PCDH15: variants seen among roughly 807,000 people sequenced by gnomAD.
PCDH15 encodes the protein protocadherin-15.
In PCDH15, 129 loss-of-function variants were observed where a neutral mutation model predicts 178.5. The observed-to-expected ratio is 0.72, with a 90% confidence interval of 0.63 to 0.84. PCDH15 has a LOEUF of 0.84. Among genes scored for constraint, PCDH15 ranks in the 40% least tolerant of loss-of-function variants. The pLI is 0.00. For synonymous variants in PCDH15, 800 were observed against 732.0 expected (o/e 1.09, Z -1.50); for missense variants, 2,230 against 2,099.9 (o/e 1.06, Z -1.21).
intron 3 of PCDH15, among the ~76,000 whole-genome samples, chr10:54,871,428 GA>G (rs5785096): frequency 2.2e-4 from 31 of 143,470 alleles, no homozygotes; most frequent in Middle Eastern, 3.6e-3. Flanking sequence ...AGTCTGAGAG[GA>G]AAAAAAAAAA....
At chr10:55,512,069 A>T (rs1292835356) in intron 2 of PCDH15, among the ~76,000 whole-genome samples, 1 of 152,078 alleles carries the variant, frequency 6.6e-6, no homozygotes, top group African/African-American at 2.4e-5. Flanking sequence ...CCATTAAAGT[A>T]AACAAACTTT....
rs546993487 is a variant in PCDH15, at chr10:54,954,707, T to C, written c.-79-57207A>G. ...ATACAAAAATACTTACACCAATTTT[T>C]AGCTCTGGTAGGATTTTATAATTTG... On this transcript the variant is annotated intron_variant, in intron 2 of 5. Coordinates refer to the PCDH15 transcript ENST00000458638. Among the ~76,000 whole-genome samples the C allele has an allele frequency of 9.9e-5, 15 of 151,394 alleles. No individual in the cohort carries two copies. The South Asian group carries it at 2.9e-3, about 29-fold the overall frequency.
intron 26 of PCDH15, among the ~76,000 whole-genome samples, chr10:53,889,022 G>A (rs1343895946): frequency 6.8e-6 from 1 of 147,396 alleles, no homozygotes. Context: ...ATCCACATGG[G>A]AAATAAAAAA....
chr10:54,017,391 T>A (rs2092774725), intron 20 of PCDH15, among the ~76,000 whole-genome samples: 1 of 152,144 alleles, frequency 6.6e-6, no homozygotes, highest in Admixed American at 6.6e-5. Flanking sequence ...TCGACCTAGA[T>A]GCTCATCAAC....
chr10:54,560,801 C>T (rs1293726974), intron 2 of PCDH15, among the ~76,000 whole-genome samples: 1 of 151,970 alleles, frequency 6.6e-6, no homozygotes, highest in Non-Finnish European at 1.5e-5. Flanking sequence ...TAATGAAAAT[C>T]ACCCCATTCT....
chr10:54,081,944 A>C (rs2094442555), intron 16 of PCDH15, among the ~76,000 whole-genome samples: 1 of 152,168 alleles, frequency 6.6e-6, no homozygotes, highest in African/African-American at 2.4e-5. Flanking sequence ...GAAAACAGTC[A>C]CAGGTTTATA....
At chr10:54,587,855 G>T (rs987675534) in intron 2 of PCDH15, among the ~76,000 whole-genome samples, 9 of 152,094 alleles carry the variant, frequency 5.9e-5, no homozygotes. Context: ...GATATGAGTT[G>T]AATATAAACA....
chr10:54,305,416 A>G (rs2060404591), intron 8 of PCDH15, among the ~76,000 whole-genome samples: 3 of 152,020 alleles, frequency 2.0e-5, no homozygotes, highest in Middle Eastern at 3.2e-3. Context: ...AAATTAAGGT[A>G]CCTTTATACA....
At chr10:54,988,632 T>C (rs1009023526) in intron 2 of PCDH15, among the ~76,000 whole-genome samples, 13 of 152,176 alleles carry the variant, frequency 8.5e-5, no homozygotes, top group African/African-American at 3.1e-4. Context: ...AATTTTGAAC[T>C]TCAGAGAGAT....
chr10:54,646,615 A>G (rs1353804230), intron 2 of PCDH15, among the ~76,000 whole-genome samples: 3 of 152,086 alleles, frequency 2.0e-5, no homozygotes, highest in African/African-American at 7.2e-5. Context: ...GTGTGGCAGC[A>G]TGATAGGGAT....
At chr10:55,404,570 G>A (rs1288833137) in intron 2 of PCDH15, among the ~76,000 whole-genome samples, 1 of 151,854 alleles carries the variant, frequency 6.6e-6, no homozygotes, top group Non-Finnish European at 1.5e-5. Flanking sequence ...GAATATATGG[G>A]TTAGAACTCG....
intron 1 of PCDH15, among the ~76,000 whole-genome samples, chr10:54,699,866 C>A (rs1190201292): frequency 6.6e-6 from 1 of 151,912 alleles, no homozygotes; most frequent in Admixed American, 6.6e-5. Context: ...GTAAGTTATG[C>A]ATTGCATAGG....
intron 1 of PCDH15, among the ~76,000 whole-genome samples, chr10:55,185,033 A>G (rs1049313054): frequency 2.6e-5 from 4 of 151,892 alleles, no homozygotes; most frequent in Admixed American, 6.6e-5. Flanking sequence ...CAGTTAAGTA[A>G]TCCATTATTT....
intron 1 of PCDH15, among the ~76,000 whole-genome samples, chr10:54,783,378 T>A (rs1346558390): frequency 1.3e-5 from 2 of 152,028 alleles, no homozygotes; most frequent in Non-Finnish European, 2.9e-5. Context: ...AATTTTTTAC[T>A]TGAAGACATC....
At chr10:54,945,866 GTGT>G (rs988762017) in intron 2 of PCDH15, among the ~76,000 whole-genome samples, 1 of 151,792 alleles carries the variant, frequency 6.6e-6, no homozygotes, top group African/African-American at 2.4e-5. Flanking sequence ...ATTCTCAAAA[GTGT>G]TGTACTTTTG....
At chr10:53,844,292 G>A (rs2077839192) in intron 28 of PCDH15, among the ~76,000 whole-genome samples, 1 of 152,016 alleles carries the variant, frequency 6.6e-6, no homozygotes, top group African/African-American at 2.4e-5. Flanking sequence ...AGACTAGGCT[G>A]AGTAGAATCA....
At chr10:54,148,992 C>T (rs1041601137) in intron 14 of PCDH15, among the ~76,000 whole-genome samples, 1 of 152,060 alleles carries the variant, frequency 6.6e-6, no homozygotes, top group Admixed American at 6.6e-5. Context: ...TGTGGCATGG[C>T]CTTTTAATTT....
At chr10:54,902,204 T>C (rs1954649067) in intron 2 of PCDH15, among the ~76,000 whole-genome samples, 1 of 152,222 alleles carries the variant, frequency 6.6e-6, no homozygotes, top group Admixed American at 6.5e-5. Flanking sequence ...CCTACTTTCA[T>C]ATATTATCAT....
At chr10:54,829,841 A>G (rs1390966595) in intron 3 of PCDH15, among the ~76,000 whole-genome samples, 5 of 152,150 alleles carry the variant, frequency 3.3e-5, no homozygotes, top group Middle Eastern at 3.2e-3. Flanking sequence ...TATGCACACT[A>G]TAGCTAAGGC....
Sources: allele counts gnomAD v4.1 joint callset (sites outside exome capture counted in the v4.1 genomes callset), GRCh38; gene constraint gnomAD v4.1.1; transcripts MANE v1.5; gene names NCBI Gene and HGNC (gene_info 2026-07-23, HGNC 2026-07-21).